The following ILRUN variants were observed in gnomAD, a reference collection of about 807,000 sequenced individuals.
ILRUN encodes inflammation and lipid regulator with UBA-like and NBR1-like domains.
ILRUN carries 3 observed loss-of-function variants against 33.8 expected under a neutral mutation model. The ratio of observed to expected loss-of-function variants is 0.09; its 90% CI spans 0.04 to 0.23. ILRUN has a LOEUF of 0.23. Ranked by LOEUF, ILRUN falls within the 10% of genes least tolerant of loss-of-function variation. The pLI is 1.00. For missense variants in ILRUN, 210 were observed against 375.1 expected (o/e 0.56, Z 3.64); for synonymous variants, 124 against 138.9 (o/e 0.89, Z 0.75).
At chr6:34,617,365 C>G in intron 3 of ILRUN, 1 of 307,726 alleles carries the variant, frequency 3.2e-6, no homozygotes. Flanking sequence ...CATCTTTGTG[C>G]GTGTCTCTTA....
chr6:34,670,707 T>C (rs1400045809), intron 1 of ILRUN, among the ~76,000 whole-genome samples: 1 of 150,658 alleles, frequency 6.6e-6, no homozygotes, highest in Non-Finnish European at 1.5e-5. Context: ...AATACAAAAC[T>C]TAGCCAGGTG....
intron 1 of ILRUN, among the ~76,000 whole-genome samples, chr6:34,668,962 G>C (rs1763057924): frequency 1.3e-5 from 2 of 151,094 alleles, no homozygotes; most frequent in South Asian, 4.2e-4. Flanking sequence ...TTCTGCCTCA[G>C]CCTCCTGAGT....
chr6:34,654,127 T>C (rs1389546511), intron 2 of ILRUN, among the ~76,000 whole-genome samples: 3 of 148,202 alleles, frequency 2.0e-5, no homozygotes, highest in Non-Finnish European at 4.4e-5. Context: ...GTCTCAGATA[T>C]CCTAATGAAA....
Position 34,646,672 on chromosome 6 carries a change from C to G in ILRUN, c.440G>C (p.Cys147Ser). ...QEIADVSVQM[C>S]SPSRAGMYQG... ...ATACATTCCTGCTCTGCTGGGGCTGCACATCTGGACGCTGACATCTGCAAT... is the reference window on the plus strand; with the variant it reads ...ATACATTCCTGCTCTGCTGGGGCTGGACATCTGGACGCTGACATCTGCAAT... Residue 147 changes from cysteine (C) to serine (S), a missense_variant, in exon 3 of 5, where the codon TGC (cysteine) becomes TCC (serine). Physicochemically the swap from Cys to Ser is moderately radical, Grantham distance 112. This residue lies in a region of ILRUN where 60 missense variants were observed against 138.1 expected (regional missense o/e 0.43). Transcript: ENST00000374023. The surrounding 1 kb of genome is among the most constrained non-coding windows in gnomAD (Gnocchi z 4.9). 6.2e-7 allele frequency: 1 copy of G among 1,614,174 alleles called. No homozygotes were observed. The highest frequency in any genetic ancestry group is 8.5e-7 in the Non-Finnish European group (1 of 1,180,028).
chr6:34,604,774 T>A (rs1761589093), intron 4 of ILRUN, among the ~76,000 whole-genome samples: 1 of 152,240 alleles, frequency 6.6e-6, no homozygotes, highest in Non-Finnish European at 1.5e-5. Context: ...TTTACTTCTA[T>A]CCTATACAAT....
intron 1 of ILRUN, among the ~76,000 whole-genome samples, chr6:34,658,943 T>G (rs1382036177): frequency 2.0e-5 from 3 of 152,224 alleles, no homozygotes; most frequent in Non-Finnish European, 4.4e-5. Flanking sequence ...CATTATAATG[T>G]TGGCTGTGAA....
intron 1 of ILRUN, among the ~76,000 whole-genome samples, chr6:34,693,445 C>T (rs1356630854): frequency 1.3e-5 from 2 of 151,854 alleles, no homozygotes; most frequent in Non-Finnish European, 2.9e-5. Context: ...GCCTCGACCT[C>T]CTGGGCTCAG....
chr6:34,615,477 T>A (rs1761866520), intron 3 of ILRUN, among the ~76,000 whole-genome samples: 1 of 152,062 alleles, frequency 6.6e-6, no homozygotes, highest in South Asian at 2.1e-4. Context: ...ACACCTGTAA[T>A]CCCAGCTACT....
chr6:34,622,129 T>C (rs1193935684), intron 3 of ILRUN, among the ~76,000 whole-genome samples: 1 of 152,062 alleles, frequency 6.6e-6, no homozygotes, highest in African/African-American at 2.4e-5. Flanking sequence ...CCATATGAGC[T>C]AAAACTATAA....
intron 3 of ILRUN, among the ~76,000 whole-genome samples, chr6:34,634,863 T>C (rs1344250461): frequency 2.0e-5 from 3 of 148,962 alleles, no homozygotes. Context: ...ACCAATTCTA[T>C]AAAATTTCTT....
intron 3 of ILRUN, among the ~76,000 whole-genome samples, chr6:34,610,925 T>C (rs1761734512): frequency 6.6e-6 from 1 of 151,986 alleles, no homozygotes; most frequent in African/African-American, 2.4e-5. Context: ...CTAAAGCATC[T>C]TTAGGCTGGG....
At chr6:34,677,341 TAAGC>T (rs1763257769) in intron 1 of ILRUN, among the ~76,000 whole-genome samples, 1 of 151,508 alleles carries the variant, frequency 6.6e-6, no homozygotes, top group African/African-American at 2.4e-5. Context: ...TGAAAATAAT[TAAGC>T]AAGTGAACAG....
intron 3 of ILRUN, among the ~76,000 whole-genome samples, chr6:34,645,074 T>C (rs903824906): frequency 1.3e-5 from 2 of 152,188 alleles, no homozygotes; most frequent in South Asian, 2.1e-4. Context: ...CTCTTTCTAA[T>C]ATTAACATTT....
chr6:34,669,822 G>C (rs1176952018), intron 1 of ILRUN, among the ~76,000 whole-genome samples: 3 of 151,736 alleles, frequency 2.0e-5, no homozygotes, highest in Non-Finnish European at 4.4e-5. Context: ...AAGCACAAAT[G>C]AACATCATAA....
intron 1 of ILRUN, among the ~76,000 whole-genome samples, chr6:34,677,947 CAAAAAAA>C (rs200840957): frequency 2.8e-4 from 21 of 74,370 alleles, no homozygotes; most frequent in Non-Finnish European, 3.9e-4. Context: ...ATCCTGCCTC[CAAAAAAA>C]AAAAAAAAAA....
chr6:34,609,139 G>GA (rs1761692720), intron 3 of ILRUN, among the ~76,000 whole-genome samples: 1 of 152,130 alleles, frequency 6.6e-6, no homozygotes, highest in Admixed American at 6.5e-5. Context: ...GGAAACTAAG[G>GA]AAAACTCTCT....
intron 3 of ILRUN, among the ~76,000 whole-genome samples, chr6:34,628,047 T>C (rs146249989): frequency 2.2e-4 from 34 of 152,146 alleles, no homozygotes; most frequent in African/African-American, 8.2e-4. Flanking sequence ...TCACTCCAAA[T>C]ATTGTTTCTG....
At chr6:34,633,460 T>A (rs1582063569) in intron 3 of ILRUN, among the ~76,000 whole-genome samples, 3 of 152,086 alleles carry the variant, frequency 2.0e-5, no homozygotes, top group Admixed American at 2.0e-4. Context: ...TATAGAACAC[T>A]CAACTCAGCA....
intron 1 of ILRUN, among the ~76,000 whole-genome samples, chr6:34,678,030 A>G (rs1763274731): frequency 6.6e-6 from 1 of 150,836 alleles, no homozygotes; most frequent in African/African-American, 2.4e-5. Flanking sequence ...ATTTAATATT[A>G]CCTAATTTCA....
Sources: allele counts gnomAD v4.1 joint callset (sites outside exome capture counted in the v4.1 genomes callset), GRCh38; gene constraint gnomAD v4.1.1; regional missense constraint gnomAD v4.1.1; non-coding constraint Gnocchi (gnomAD v3.1); transcripts MANE v1.5; gene names NCBI Gene and HGNC (gene_info 2026-07-23, HGNC 2026-07-21).